Variants in SHISA6 observed in about 807,000 individuals in gnomAD.
The protein encoded by SHISA6 is shisa family member 6.
A neutral mutation model predicts 47.9 loss-of-function variants in SHISA6; 22 were observed. That is an observed-to-expected ratio of 0.46 (90% CI 0.33 to 0.66). The LOEUF is 0.66. Ranked by LOEUF, SHISA6 falls within the 30% of genes least tolerant of loss-of-function variation. The pLI, the probability that SHISA6 is intolerant of heterozygous loss-of-function variation, is 0.02. For synonymous variants in SHISA6, 388 were observed against 337.8 expected (o/e 1.15, Z -1.63); for missense variants, 680 against 764.6 (o/e 0.89, Z 1.30).
At chr17:11,295,150 G>C (rs1259115588) in intron 2 of SHISA6, among the ~76,000 whole-genome samples, 1 of 152,146 alleles carries the variant, frequency 6.6e-6, no homozygotes, top group African/African-American at 2.4e-5. Flanking sequence ...AAACTTATGA[G>C]TTGTTTACTT....
At chr17:11,353,425 C>G (rs1388113946) in intron 2 of SHISA6, among the ~76,000 whole-genome samples, 1 of 151,256 alleles carries the variant, frequency 6.6e-6, no homozygotes, top group Admixed American at 6.6e-5. Flanking sequence ...CCACCGCACT[C>G]CAGCCTGGCA....
At chr17:11,265,797 A>C (rs181269568) in intron 2 of SHISA6, among the ~76,000 whole-genome samples, 54 of 152,316 alleles carry the variant, frequency 3.5e-4, no homozygotes, top group African/African-American at 1.3e-3. Context: ...TTAGGTGGAC[A>C]GTCTGGATTT....
intron 2 of SHISA6, among the ~76,000 whole-genome samples, chr17:11,358,899 A>G (rs1214472779): frequency 2.6e-5 from 4 of 152,130 alleles, no homozygotes; most frequent in African/African-American, 4.8e-5. Flanking sequence ...GCTCAAAGCA[A>G]TCTGCCCACC....
At chr17:11,312,696 A>C (rs1021895844) in intron 2 of SHISA6, among the ~76,000 whole-genome samples, 2 of 152,146 alleles carry the variant, frequency 1.3e-5, no homozygotes, top group East Asian at 1.9e-4. Context: ...CAATTTCTTT[A>C]TTTATTCAGG....
intron 3 of SHISA6, among the ~76,000 whole-genome samples, chr17:11,535,979 G>C (rs1177412197): frequency 6.6e-6 from 1 of 151,860 alleles, no homozygotes; most frequent in Non-Finnish European, 1.5e-5. Flanking sequence ...GATATATAGA[G>C]ATATTTATAT....
At chr17:11,507,913 C>T (rs1488508636) in intron 3 of SHISA6, among the ~76,000 whole-genome samples, 1 of 152,220 alleles carries the variant, frequency 6.6e-6, no homozygotes, top group East Asian at 1.9e-4. Context: ...GAGCTTAAGA[C>T]ATATGTCCCC....
At chr17:11,435,817 A>G (rs944006073) in intron 3 of SHISA6, among the ~76,000 whole-genome samples, 1 of 152,198 alleles carries the variant, frequency 6.6e-6, no homozygotes, top group African/African-American at 2.4e-5. Context: ...ACTGGTGTTA[A>G]GGTGCCTCCA....
At chr17:11,448,681 C>T (rs1915300000) in intron 3 of SHISA6, among the ~76,000 whole-genome samples, 1 of 152,076 alleles carries the variant, frequency 6.6e-6, no homozygotes, top group Admixed American at 6.5e-5. Flanking sequence ...CAAAAATTAG[C>T]CGGGCGTGGT....
intron 2 of SHISA6, among the ~76,000 whole-genome samples, chr17:11,357,174 C>G (rs551923012): frequency 1.9e-5 from 2 of 106,082 alleles, no homozygotes; most frequent in South Asian, 6.8e-4. Flanking sequence ...GGCGACAGAG[C>G]GAGACTCCGT....
At chr17:11,274,592 A>G (rs1908808514) in intron 2 of SHISA6, among the ~76,000 whole-genome samples, 1 of 152,122 alleles carries the variant, frequency 6.6e-6, no homozygotes, top group South Asian at 2.1e-4. Context: ...CATGGGCTTA[A>G]TGTCCGTTGC....
intron 3 of SHISA6, among the ~76,000 whole-genome samples, chr17:11,534,231 T>A (rs1260640715): frequency 1.3e-5 from 2 of 150,950 alleles, no homozygotes; most frequent in Non-Finnish European, 3.0e-5. Flanking sequence ...GTCTTGAACT[T>A]CTGACTTCAA....
At chr17:11,530,698 C>T (rs1369843916) in intron 3 of SHISA6, among the ~76,000 whole-genome samples, 4 of 152,196 alleles carry the variant, frequency 2.6e-5, no homozygotes, top group Non-Finnish European at 4.4e-5. Flanking sequence ...GCATCCCTGA[C>T]ATGTCTGTTG....
At chr17:11,394,730 A>G (rs1331941653) in intron 3 of SHISA6, among the ~76,000 whole-genome samples, 1 of 150,166 alleles carries the variant, frequency 6.7e-6, no homozygotes, top group African/African-American at 2.5e-5. Flanking sequence ...ATATAAAAGA[A>G]TAACGGTGCA....
intron 3 of SHISA6, among the ~76,000 whole-genome samples, chr17:11,402,797 A>T (rs1261637041): frequency 2.0e-5 from 3 of 152,206 alleles, no homozygotes; most frequent in African/African-American, 7.2e-5. Flanking sequence ...CCTTGTGGAA[A>T]CTGTGAGGCA....
intron 2 of SHISA6, among the ~76,000 whole-genome samples, chr17:11,372,255 A>G (rs1178218124): frequency 2.0e-5 from 3 of 152,178 alleles, no homozygotes; most frequent in Non-Finnish European, 2.9e-5. Flanking sequence ...TTGAGATATT[A>G]TGGAAAATTT....
intron 3 of SHISA6, among the ~76,000 whole-genome samples, chr17:11,427,260 A>G (rs959597082): frequency 1.3e-5 from 2 of 152,092 alleles, no homozygotes; most frequent in African/African-American, 4.8e-5. Context: ...TAGCCTCCAG[A>G]GTAGCTGCAA....
intron 5 of SHISA6, among the ~76,000 whole-genome samples, chr17:11,556,803 C>G (rs2071985331): frequency 6.6e-6 from 1 of 152,122 alleles, no homozygotes; most frequent in Non-Finnish European, 1.5e-5. Flanking sequence ...AGACAGAATT[C>G]CCACACTTTT....
chr17:11,355,666 C>T (rs868476475), intron 2 of SHISA6, among the ~76,000 whole-genome samples: 1 of 152,156 alleles, frequency 6.6e-6, no homozygotes, highest in African/African-American at 2.4e-5. Context: ...CTTCAGTTAC[C>T]TACAGGTACC....
chr17:11,375,766 C>T (rs547478523), intron 2 of SHISA6, among the ~76,000 whole-genome samples: 3 of 152,092 alleles, frequency 2.0e-5, no homozygotes, highest in Admixed American at 6.5e-5. Flanking sequence ...GGAGTTCTGA[C>T]GGGAGGTCGA....
Sources: allele counts gnomAD v4.1 joint callset (sites outside exome capture counted in the v4.1 genomes callset), GRCh38; gene constraint gnomAD v4.1.1; transcripts MANE v1.5; gene names NCBI Gene and HGNC (gene_info 2026-07-23, HGNC 2026-07-21).